Variants in SUGCT observed in about 807,000 individuals in gnomAD.
SUGCT encodes the protein succinyl-CoA:glutarate CoA-transferase.
A neutral mutation model predicts 55.0 loss-of-function variants in SUGCT; 41 were observed. That is an observed-to-expected ratio of 0.74 (90% CI 0.58 to 0.97). SUGCT has a LOEUF of 0.97. SUGCT is among the 50% of genes least tolerant of loss of function. The probability of loss-of-function intolerance (pLI) is 0.00; values close to 1 mark genes in which losing one functional copy is unlikely to be tolerated. For synonymous variants in SUGCT, 187 were observed against 200.4 expected (o/e 0.93, Z 0.56); for missense variants, 568 against 547.8 (o/e 1.04, Z -0.37).
intron 13 of SUGCT, among the ~76,000 whole-genome samples, chr7:40,759,427 C>T (rs976327532): frequency 5.3e-5 from 8 of 152,240 alleles, no homozygotes; most frequent in Non-Finnish European, 8.8e-5. Context: ...TTTATATACA[C>T]CATTTGTTTC....
At chr7:40,370,321 T>G (rs1426111942) in intron 9 of SUGCT, among the ~76,000 whole-genome samples, 1 of 152,006 alleles carries the variant, frequency 6.6e-6, no homozygotes, top group Non-Finnish European at 1.5e-5. Flanking sequence ...GGAGAATGAG[T>G]CTTCAGGGGA....
chr7:40,407,132 A>G (rs908854799), intron 9 of SUGCT, among the ~76,000 whole-genome samples: 6 of 152,092 alleles, frequency 3.9e-5, no homozygotes, highest in Admixed American at 3.3e-4. Flanking sequence ...ATGAATGAAT[A>G]TAAGAATTCA....
Position 40,620,592 on chromosome 7 carries a change from G to A in SUGCT, c.1089+124206G>A, listed in dbSNP as rs1334466053. Among the ~76,000 whole-genome samples, 9 of 152,098 alleles carry A rather than the reference G, an allele frequency of 5.9e-5. No individual in the cohort carries two copies. In the South Asian group the frequency reaches 1.7e-3, roughly 28 times the overall value. Reference sequence around the variant, plus strand: ...TAATGTTCATATTTTTAGTAGAGACGAGGTTTTGCCATGTTAGCCAGGCTG... The same window carrying A: ...TAATGTTCATATTTTTAGTAGAGACAAGGTTTTGCCATGTTAGCCAGGCTG... On this transcript the variant is annotated intron_variant, in intron 12 of 13. Coordinates refer to ENST00000335693, the MANE Select transcript of SUGCT (RefSeq NM_001193313.2).
Position 40,830,875 on chromosome 7 carries a change from A to T in SUGCT, c.1154-29441A>T, listed in dbSNP as rs193121131. Reference sequence around the variant, plus strand: ...ATTCAAATCCACTTATTTTTACTCTAATCTTTCCCCTGTACCACCTTGCAT... The same window carrying T: ...ATTCAAATCCACTTATTTTTACTCTTATCTTTCCCCTGTACCACCTTGCAT... On this transcript the variant is annotated intron_variant, in intron 13 of 13. Transcript: ENST00000335693. 2.0e-5 allele frequency among the ~76,000 whole-genome samples: 3 copies of T among 152,262 alleles called. No individual in the cohort carries two copies. The East Asian group carries it at 5.8e-4, about 29-fold the overall frequency.
intron 1 of SUGCT, among the ~76,000 whole-genome samples, chr7:40,168,189 G>T (rs746158776): frequency 9.9e-5 from 15 of 152,194 alleles, no homozygotes; most frequent in Non-Finnish European, 1.6e-4. Context: ...GGAATTCTTA[G>T]TTGGACTAGG....
At chr7:40,598,213 G>A (rs1453004066) in intron 12 of SUGCT, among the ~76,000 whole-genome samples, 2 of 152,102 alleles carry the variant, frequency 1.3e-5, no homozygotes, top group African/African-American at 4.8e-5. Flanking sequence ...GTGTGAAAGG[G>A]TAACTGAACC....
intron 12 of SUGCT, among the ~76,000 whole-genome samples, chr7:40,590,326 G>A (rs1037769691): frequency 2.0e-5 from 3 of 152,112 alleles, no homozygotes; most frequent in African/African-American, 4.8e-5. Flanking sequence ...GAAAGGAATA[G>A]CCACACATTT....
chr7:40,964,766 G>C, the SUGCT span: 2 of 152,312 alleles, frequency 1.3e-5, no homozygotes, highest in African/African-American at 4.8e-5. Flanking sequence ...GCCTAACTCT[G>C]TGGGGTGTTG....
the SUGCT span, among the ~76,000 whole-genome samples, chr7:41,015,290 G>A: frequency 3.3e-5 from 5 of 152,138 alleles, no homozygotes; most frequent in African/African-American, 1.2e-4. Flanking sequence ...TGATGATGAT[G>A]ATAATATATA....
chr7:40,573,666 T>C (rs1212068998), intron 12 of SUGCT, among the ~76,000 whole-genome samples: 1 of 152,228 alleles, frequency 6.6e-6, no homozygotes, highest in East Asian at 1.9e-4. Flanking sequence ...AGTAGAGCTT[T>C]GATTTTCATT....
chr7:40,901,597 A>G, the SUGCT span, among the ~76,000 whole-genome samples: 1 of 152,174 alleles, frequency 6.6e-6, no homozygotes, highest in Non-Finnish European at 1.5e-5. Context: ...GGCGATTTCC[A>G]ACAGAGGATC....
At chr7:40,889,376 GGAGA>G in the SUGCT span, among the ~76,000 whole-genome samples, 4 of 152,186 alleles carry the variant, frequency 2.6e-5, no homozygotes, top group Non-Finnish European at 5.9e-5. Context: ...CTTGCTGGGA[GGAGA>G]GAGTGTCTCA....
At chr7:40,192,344 T>C (rs1226209553) in intron 5 of SUGCT, among the ~76,000 whole-genome samples, 1 of 152,064 alleles carries the variant, frequency 6.6e-6, no homozygotes, top group Non-Finnish European at 1.5e-5. Context: ...ATATGAAACT[T>C]AGTATTATTG....
intron 7 of SUGCT, among the ~76,000 whole-genome samples, chr7:40,271,217 T>A (rs1376341075): frequency 6.6e-6 from 1 of 152,206 alleles, no homozygotes; most frequent in African/African-American, 2.4e-5. Context: ...GGCTAAAACC[T>A]CCAGTGTAAT....
intron 12 of SUGCT, among the ~76,000 whole-genome samples, chr7:40,680,399 C>T (rs531969531): frequency 2.6e-5 from 4 of 152,234 alleles, no homozygotes; most frequent in Non-Finnish European, 4.4e-5. Flanking sequence ...ATGAGTGTTA[C>T]TTAGAAGTCT....
At chr7:40,390,788 G>C (rs375864572) in intron 9 of SUGCT, among the ~76,000 whole-genome samples, 1 of 151,988 alleles carries the variant, frequency 6.6e-6, no homozygotes, top group Non-Finnish European at 1.5e-5. Context: ...AACTACTTTA[G>C]AGTTCATATG....
intron 9 of SUGCT, among the ~76,000 whole-genome samples, chr7:40,331,081 C>CAA (rs557648869): frequency 1.8e-3 from 273 of 151,830 alleles, no homozygotes; most frequent in Non-Finnish European, 3.1e-3. Context: ...AAGAAAATCA[C>CAA]AAAAAAAATC....
chr7:40,935,938 T>C, the SUGCT span, among the ~76,000 whole-genome samples: 1 of 152,162 alleles, frequency 6.6e-6, no homozygotes, highest in Non-Finnish European at 1.5e-5. Flanking sequence ...GCCTTCCTAG[T>C]AGACTAGTCA....
chr7:40,797,506 C>G (rs959823045), intron 13 of SUGCT, among the ~76,000 whole-genome samples: 2 of 152,200 alleles, frequency 1.3e-5, no homozygotes, highest in East Asian at 1.9e-4. Flanking sequence ...TGCTTCTGCT[C>G]TTATTCCCCA....
Sources: gnomAD v4.1 joint callset for allele counts (sites outside exome capture counted in the v4.1 genomes callset) on GRCh38, gnomAD v4.1.1 for gene constraint, MANE v1.5 for transcripts, NCBI Gene and HGNC (gene_info 2026-07-23, HGNC 2026-07-21) for gene names.